Variants in NTRK3 observed in about 807,000 individuals in gnomAD.
NTRK3 encodes NT-3 growth factor receptor.
A neutral mutation model predicts 91.7 loss-of-function variants in NTRK3; 24 were observed. The ratio of observed to expected loss-of-function variants is 0.26; its 90% CI spans 0.19 to 0.37. The LOEUF is 0.37. Ranked by LOEUF, NTRK3 falls within the 10% of genes least tolerant of loss-of-function variation. NTRK3 has a pLI of 1.00. For synonymous variants in NTRK3, 483 were observed against 404.0 expected (o/e 1.20, Z -2.34); for missense variants, 880 against 1,068.9 (o/e 0.82, Z 2.46).
exon 10 of NTRK3, chr15:88,135,395 G>A (rs751051788): frequency 6.2e-7 from 1 of 1,613,420 alleles, no homozygotes; most frequent in Non-Finnish European, 8.5e-7. Flanking sequence ...ACACGTGGGG[G>A]ATCTGTCAAG....
At chr15:87,999,368 C>T (rs1445906139) in intron 14 of NTRK3, among the ~76,000 whole-genome samples, 2 of 152,184 alleles carry the variant, frequency 1.3e-5, no homozygotes, top group Admixed American at 6.5e-5. Context: ...GCAGCAGGTA[C>T]TTAGTAGTCT....
chr15:88,231,926 T>C (rs1177470120), intron 3 of NTRK3, among the ~76,000 whole-genome samples: 1 of 152,250 alleles, frequency 6.6e-6, no homozygotes, highest in East Asian at 1.9e-4. Flanking sequence ...TACTTAAATT[T>C]TTTTTGAGCC....
chr15:88,047,387 T>C (rs1026224427), intron 13 of NTRK3, among the ~76,000 whole-genome samples: 4 of 152,050 alleles, frequency 2.6e-5, no homozygotes, highest in Non-Finnish European at 5.9e-5. Flanking sequence ...GTGAGGTAGA[T>C]GGTGGGGAGA....
intron 17 of NTRK3, among the ~76,000 whole-genome samples, chr15:87,905,575 A>C (rs2066717523): frequency 2.6e-5 from 4 of 152,206 alleles, no homozygotes; most frequent in Non-Finnish European, 5.9e-5. Flanking sequence ...GTTTCTTGCT[A>C]ATAGCATCCT....
At chr15:88,151,705 T>C (rs2043395263) in intron 5 of NTRK3, among the ~76,000 whole-genome samples, 1 of 152,190 alleles carries the variant, frequency 6.6e-6, no homozygotes, top group Admixed American at 6.5e-5. Context: ...CAAAAAGTGG[T>C]CCTGAAGATG....
chr15:88,175,373 C>CAGAGAGATAGAG (rs887962896), intron 5 of NTRK3, among the ~76,000 whole-genome samples: 1 of 141,888 alleles, frequency 7.0e-6, no homozygotes, highest in African/African-American at 2.8e-5. Flanking sequence ...AGGATAGACA[C>CAGAGAGATAGAG]AGAGAGATAG....
Position 88,038,902 on chromosome 15 carries a change from A to G in NTRK3, c.1397-5857T>C, listed in dbSNP as rs147298809. Among the ~76,000 whole-genome samples, 4 of 152,020 alleles carry G rather than the reference A, an allele frequency of 2.6e-5. No homozygotes were observed. The East Asian group carries it at 7.7e-4, about 29-fold the overall frequency. On this transcript the variant is annotated intron_variant, in intron 13 of 18. Transcript: ENST00000394480. ...ACTTGCCTCAGGGGAAAACTCAAAGACCTGTAGCCCCTCTAGGGGAGGAAG... is the reference window on the plus strand; with the variant it reads ...ACTTGCCTCAGGGGAAAACTCAAAGGCCTGTAGCCCCTCTAGGGGAGGAAG...
At chr15:88,059,285 G>C (rs1239369381) in intron 13 of NTRK3, among the ~76,000 whole-genome samples, 1 of 152,192 alleles carries the variant, frequency 6.6e-6, no homozygotes, top group African/African-American at 2.4e-5. Flanking sequence ...CAGCTAATCT[G>C]TAATTCAGAT....
intron 13 of NTRK3, among the ~76,000 whole-genome samples, chr15:88,067,915 ATGT>A (rs1216308784): frequency 6.6e-6 from 1 of 152,186 alleles, no homozygotes; most frequent in African/African-American, 2.4e-5. Context: ...TGCTCTTCAC[ATGT>A]TGTTATTATC....
At chr15:88,152,696 G>T (rs1365742461) in intron 5 of NTRK3, among the ~76,000 whole-genome samples, 1 of 152,192 alleles carries the variant, frequency 6.6e-6, no homozygotes, top group African/African-American at 2.4e-5. Context: ...TTGCCCTGAG[G>T]CCTTAACGGC....
In NTRK3 at chr15:88,127,399, C is replaced by A. The variant is rs958495009; in HGVS notation, c.1229-173G>T. ...CAGGCTTTGCAGGACCCCCCACCCCCACAGACCAGGTTCCTATCTGACCAT... is the reference window on the plus strand; with the variant it reads ...CAGGCTTTGCAGGACCCCCCACCCCAACAGACCAGGTTCCTATCTGACCAT... On this transcript the variant is annotated intron_variant, in intron 11 of 18. Coordinates refer to ENST00000394480, the Ensembl canonical transcript of NTRK3. Among the ~76,000 whole-genome samples the A allele has an allele frequency of 2.0e-5, 3 of 152,132 alleles. 1 individual carries two copies. The highest frequency in any genetic ancestry group is 2.1e-4 in the South Asian group (1 of 4,822).
At chr15:88,033,176 T>A (rs866729634) in intron 13 of NTRK3, 131 bp from the exon 14 acceptor site, 37 of 196,072 alleles carry the variant, frequency 1.9e-4, no homozygotes, top group African/African-American at 1.7e-3. Context: ...GGGGGGTGTG[T>A]TATATATATA....
At chr15:88,080,250 G>C (rs546503182) in intron 13 of NTRK3, among the ~76,000 whole-genome samples, 1 of 152,278 alleles carries the variant, frequency 6.6e-6, no homozygotes, top group East Asian at 1.9e-4. Context: ...CTCAGTCAAA[G>C]AGAATATCTT....
rs909278834 is a variant in NTRK3, at chr15:88,241,860, G to A, written c.248+14046C>T. 6.6e-6 allele frequency among the ~76,000 whole-genome samples: 1 copy of A among 152,156 alleles called. No individual in the cohort carries two copies. Among genetic ancestry groups the A allele is most frequent in the South Asian group, 2.1e-4 (1 of 4,828 alleles). ...CTTGGCCCACCTCCCCTCTCCAGAG[G>A]TCGATTTCCAGGTGCAGGGAGAGGC... On this transcript the variant is annotated intron_variant, in intron 3 of 18. Coordinates refer to ENST00000394480, the Ensembl canonical transcript of NTRK3. This position sits in a 1 kb window ranked among gnomAD's most constrained non-coding sequence, Gnocchi z 4.3.
intron 14 of NTRK3, among the ~76,000 whole-genome samples, chr15:88,017,139 T>C (rs578095778): frequency 3.3e-5 from 5 of 152,236 alleles, no homozygotes; most frequent in African/African-American, 1.2e-4. Flanking sequence ...GAAAGAAATA[T>C]AAGGTGAGTG....
chr15:87,917,173 ATACT>A, intron 17 of NTRK3, among the ~76,000 whole-genome samples: 1 of 152,358 alleles, frequency 6.6e-6, no homozygotes, highest in Admixed American at 6.5e-5. Flanking sequence ...AGGATGAAAC[ATACT>A]TACCTTGTAG....
chr15:87,982,360 A>G (rs2074361882), intron 14 of NTRK3, among the ~76,000 whole-genome samples: 1 of 151,448 alleles, frequency 6.6e-6, no homozygotes, highest in African/African-American at 2.5e-5. Context: ...GGACACTGGT[A>G]AAGGGGTAAA....
At chr15:87,972,553 A>T (rs2073346910) in intron 14 of NTRK3, among the ~76,000 whole-genome samples, 1 of 152,210 alleles carries the variant, frequency 6.6e-6, no homozygotes, top group South Asian at 2.1e-4. Flanking sequence ...CTCTCAGAAA[A>T]GCCAAGCTCC....
chr15:88,025,919 A>G (rs904486862), intron 14 of NTRK3, among the ~76,000 whole-genome samples: 6 of 152,252 alleles, frequency 3.9e-5, no homozygotes, highest in Non-Finnish European at 8.8e-5. Flanking sequence ...GGATTGAGCC[A>G]TCGCACTCCA....
Sources: gnomAD v4.1 joint callset for allele counts (sites outside exome capture counted in the v4.1 genomes callset) on GRCh38, gnomAD v4.1.1 for gene constraint, Gnocchi (gnomAD v3.1) non-coding constraint, MANE v1.5 for transcripts, NCBI Gene and HGNC (gene_info 2026-07-23, HGNC 2026-07-21) for gene names.